Variants in XPNPEP1 observed in about 807,000 individuals in gnomAD.
XPNPEP1 encodes xaa-Pro aminopeptidase 1.
Under a neutral mutation model 92.4 loss-of-function variants are expected in XPNPEP1, and 39 were observed. The observed-to-expected ratio is 0.42, with a 90% CI of 0.33 to 0.55. The LOEUF (loss-of-function observed/expected upper bound fraction) is 0.55, where lower values mean the gene tolerates loss of function less well. XPNPEP1 is among the 20% of genes least tolerant of loss of function. XPNPEP1 has a pLI of 0.08. For synonymous variants in XPNPEP1, 307 were observed against 299.4 expected, an observed-to-expected ratio of 1.03 and a Z score of -0.26; for missense variants, 654 against 856.1, an observed-to-expected ratio of 0.76 and a Z score of 2.95.
chr10:109,902,197 T>C (rs1334184879), intron 3 of XPNPEP1, among the ~76,000 whole-genome samples: 3 of 152,232 alleles, frequency 2.0e-5, no homozygotes, highest in African/African-American at 4.8e-5. Flanking sequence ...ATAACAACAA[T>C]AGCGGCAGCT....
intron 3 of XPNPEP1, among the ~76,000 whole-genome samples, chr10:109,896,853 C>T (rs1305236327): frequency 6.6e-6 from 1 of 152,146 alleles, no homozygotes; most frequent in South Asian, 2.1e-4. Flanking sequence ...CTGGAAAAGG[C>T]AAGGAAATGG....
chr10:109,870,713 T>A lies in XPNPEP1; in HGVS notation c.1696+18A>T. The A allele has an allele frequency of 6.2e-7, 1 of 1,612,430 alleles. No homozygotes were observed. Among genetic ancestry groups the A allele is most frequent in the East Asian group, 2.2e-5 (1 of 44,854 alleles). Reference sequence around the variant, plus strand: ...GGCTCAAGGATCCACGCATGCCCTCTATGTGAGGGACACTTACCATCAGTG... The same window carrying A: ...GGCTCAAGGATCCACGCATGCCCTCAATGTGAGGGACACTTACCATCAGTG... On this transcript the variant is annotated intron_variant, in intron 18 of 20. Transcript: ENST00000502935.
At chr10:109,894,812 C>T (rs540649518) in intron 3 of XPNPEP1, among the ~76,000 whole-genome samples, 19 of 152,278 alleles carry the variant, frequency 1.2e-4, no homozygotes, top group Admixed American at 5.2e-4. Flanking sequence ...ACGTTTTATT[C>T]CTAAAGCATA....
In XPNPEP1 at chr10:109,891,756, C is replaced by T; in HGVS notation, c.381G>A (p.Lys127=). ...TDGRYFLQAA[K]QMDSNWTLMK... is the part of the protein sequence containing the mutation. ...TAAGTGTCCAGTTGCTGTCCATTTG[C>T]TTGGCAGCCTGGAGAAAGTAGCGCC... Residue 127 remains lysine (K), a synonymous_variant, in exon 5 of 21, where the codon AAG becomes AAA. Coordinates refer to ENST00000502935, the MANE Select transcript of XPNPEP1 (RefSeq NM_020383.4). 6.3e-7 allele frequency: 1 copy of T among 1,593,208 alleles called. No individual in the cohort carries two copies. The highest frequency in any genetic ancestry group is 1.1e-5 in the South Asian group (1 of 87,130).
At chr10:109,907,634 A>C in intron 3 of XPNPEP1, 57 bp downstream of exon 3, 1 of 1,610,808 alleles carries the variant, frequency 6.2e-7, no homozygotes, top group Non-Finnish European at 8.5e-7. Flanking sequence ...CTACAAACAC[A>C]TTAGGGCTGG....
intron 2 of XPNPEP1, among the ~76,000 whole-genome samples, chr10:109,913,743 C>G (rs1850015519): frequency 6.6e-6 from 1 of 152,176 alleles, no homozygotes; most frequent in African/African-American, 2.4e-5. Flanking sequence ...TGTTCTAAGA[C>G]CAACAGAAGC....
chr10:109,888,630 A>G, intron 5 of XPNPEP1, 35 bp from the exon 6 acceptor site: 1 of 1,533,622 alleles, frequency 6.5e-7, no homozygotes, highest in Non-Finnish European at 8.9e-7. Context: ...AACAATTCCC[A>G]GTGGGCCCAC....
chr10:109,890,115 G>A (rs987585937), intron 5 of XPNPEP1, among the ~76,000 whole-genome samples: 4 of 152,102 alleles, frequency 2.6e-5, no homozygotes, highest in Admixed American at 2.6e-4. Flanking sequence ...CAGAAGACTC[G>A]ACTGAGGAAA....
At chr10:109,873,514 G>A in intron 15 of XPNPEP1, 87 bp from the exon 16 acceptor site, 2 of 1,516,954 alleles carry the variant, frequency 1.3e-6, no homozygotes, top group African/African-American at 1.4e-5. Flanking sequence ...CAAGTGAGAA[G>A]CCCCATACAA....
chr10:109,884,133 C>T lies in XPNPEP1; in HGVS notation c.764G>A (p.Arg255Gln). ...TGGATTGTGCTCCACATCTGATCCT[C>T]GGAGATTAAATAGCCCTAGAAAAGA... ...LDEIAWLFNL[R>Q]GSDVEHNPVF... is the part of the protein sequence containing the mutation. Residue 255 changes from arginine (R) to glutamine (Q), a missense_variant, in exon 9 of 21, where the codon CGA becomes CAA. Physicochemically the swap from Arg to Gln is conservative, Grantham distance 43 (BLOSUM62 1). Coordinates refer to ENST00000502935, the MANE Select transcript of XPNPEP1 (RefSeq NM_020383.4). The T allele has an allele frequency of 6.2e-7, 1 of 1,613,838 alleles. No homozygotes were observed. The highest frequency in any genetic ancestry group is 8.5e-7 in the Non-Finnish European group (1 of 1,179,880).
chr10:109,902,061 T>TA (rs1212978956), intron 3 of XPNPEP1, among the ~76,000 whole-genome samples: 1 of 152,258 alleles, frequency 6.6e-6, no homozygotes, highest in African/African-American at 2.4e-5. Flanking sequence ...AGATTCTACT[T>TA]AGACAGTGCT....
At chr10:109,899,051 T>C (rs1175035172) in intron 3 of XPNPEP1, among the ~76,000 whole-genome samples, 1 of 152,212 alleles carries the variant, frequency 6.6e-6, no homozygotes, top group Non-Finnish European at 1.5e-5. Context: ...CCACAGGAAG[T>C]ACCAAAAGTT....
rs147089742 is a variant in XPNPEP1, at chr10:109,884,554, C to T, written c.749-406G>A. 1.3e-3 allele frequency: 209 copies of T among 157,734 alleles called. 1 individual carries two copies. The highest frequency in any genetic ancestry group is 4.8e-3 in the African/African-American group (202 of 41,770). 9.8% of individuals were successfully genotyped at this position (157,734 alleles called of 1,614,324 possible). ...ACTCTCTCCCTTCTGAGGCAGATGACCTAGGGTAGAAAAACTGAGACCCTC... is the reference window on the plus strand; with the variant it reads ...ACTCTCTCCCTTCTGAGGCAGATGATCTAGGGTAGAAAAACTGAGACCCTC... On this transcript the variant is annotated intron_variant, in intron 8 of 20. Transcript: ENST00000502935.
chr10:109,898,554 G>A (rs1439859316), intron 3 of XPNPEP1, among the ~76,000 whole-genome samples: 1 of 152,190 alleles, frequency 6.6e-6, no homozygotes, highest in Non-Finnish European at 1.5e-5. Flanking sequence ...GAAGAGAGCA[G>A]GAAAACAGTC....
At chr10:109,896,159 C>T (rs1170953630) in intron 3 of XPNPEP1, among the ~76,000 whole-genome samples, 1 of 152,104 alleles carries the variant, frequency 6.6e-6, no homozygotes, top group Non-Finnish European at 1.5e-5. Flanking sequence ...CTCATCATTA[C>T]ATTTGAGATC....
At chr10:109,873,574 G>C in intron 15 of XPNPEP1, 147 bp from the exon 16 acceptor site, 1 of 858,918 alleles carries the variant, frequency 1.2e-6, no homozygotes, top group South Asian at 1.6e-5. Context: ...ATAGTTCGCA[G>C]TTCCTTAAAA....
chr10:109,872,117 A>G (rs1847520568), intron 16 of XPNPEP1, among the ~76,000 whole-genome samples: 1 of 152,260 alleles, frequency 6.6e-6, no homozygotes, highest in Non-Finnish European at 1.5e-5. Context: ...ACACTCTGAC[A>G]TACTCCATCA....
rs550504890 is a variant in XPNPEP1 at position 109,910,332 on chromosome 10, G to A, written c.122-2517C>T. Among the ~76,000 whole-genome samples the A allele has an allele frequency of 8.5e-5, 13 of 152,258 alleles. No individual in the cohort carries two copies. The East Asian group carries it at 2.5e-3, about 29-fold the overall frequency. On this transcript the variant is annotated intron_variant, in intron 2 of 20. Coordinates refer to ENST00000502935, the MANE Select transcript of XPNPEP1 (RefSeq NM_020383.4). ...GGCCAAGGCTAGTGGATCACCTGAGGTTGGGAGCTCAAGACCAGCCTGACC... is the reference window on the plus strand; with the variant it reads ...GGCCAAGGCTAGTGGATCACCTGAGATTGGGAGCTCAAGACCAGCCTGACC...
At position 109,879,678 on chromosome 10, in the gene XPNPEP1, C is replaced by A. The variant is rs145852021; in HGVS notation, c.1182+510G>T. 1.8e-4 allele frequency among the ~76,000 whole-genome samples: 28 copies of A among 152,208 alleles called. No individual in the cohort carries two copies. The East Asian group carries it at 5.2e-3, about 28-fold the overall frequency. On this transcript the variant is annotated intron_variant, in intron 12 of 20. Transcript: ENST00000502935. ...CTAGTGGGAATAAAGACAATATTTT[C>A]TTTTCCCAATTAAAGAGTTGTTTAT...
Sources: gnomAD v4.1 joint callset for allele counts (sites outside exome capture counted in the v4.1 genomes callset) on GRCh38, gnomAD v4.1.1 for gene constraint, MANE v1.5 for transcripts, NCBI Gene and HGNC (gene_info 2026-07-23, HGNC 2026-07-21) for gene names.